The following APP variants were observed in gnomAD, a reference collection of about 807,000 sequenced individuals.
APP encodes amyloid beta precursor protein.
A neutral mutation model predicts 101.4 loss-of-function variants in APP; 31 were observed. The ratio of observed to expected loss-of-function variants is 0.31; its 90% CI spans 0.23 to 0.41. The LOEUF is 0.41. APP is among the 10% of genes least tolerant of loss of function. The probability of loss-of-function intolerance (pLI) is 1.00; values close to 1 mark genes in which losing one functional copy is unlikely to be tolerated. For missense variants in APP, 839 were observed against 1,003.7 expected (o/e 0.84, Z 2.22); for synonymous variants, 366 against 364.4 (o/e 1.00, Z -0.05).
At chr21:26,055,332 A>G (rs895984005) in intron 3 of APP, among the ~76,000 whole-genome samples, 2 of 152,220 alleles carry the variant, frequency 1.3e-5, no homozygotes, top group African/African-American at 4.8e-5. Context: ...CCCAGAGATA[A>G]GCATTAAGAT....
At chr21:26,159,442 C>T (rs964834152) in intron 1 of APP, among the ~76,000 whole-genome samples, 2 of 152,172 alleles carry the variant, frequency 1.3e-5, no homozygotes, top group African/African-American at 2.4e-5. Context: ...AAGTCAATCA[C>T]AAATGCCCTG....
chr21:25,941,962 C>G (rs764397975), intron 13 of APP: 6 of 152,192 alleles, frequency 3.9e-5, no homozygotes, highest in Non-Finnish European at 8.8e-5. Context: ...ACTGAAAAAT[C>G]TGGCTGCAAT....
intron 13 of APP, among the ~76,000 whole-genome samples, chr21:25,948,329 A>G (rs991600029): frequency 3.9e-5 from 6 of 152,204 alleles, no homozygotes; most frequent in Admixed American, 6.5e-5. Flanking sequence ...CAGGCTTATT[A>G]GAAACAGAAT....
intron 2 of APP, among the ~76,000 whole-genome samples, chr21:26,098,005 G>A (rs902726851): frequency 2.0e-5 from 3 of 149,910 alleles, no homozygotes; most frequent in African/African-American, 7.4e-5. Flanking sequence ...GCGTGAACCT[G>A]GGAGGCGGAG....
intron 5 of APP, among the ~76,000 whole-genome samples, chr21:26,038,712 C>T (rs370528080): frequency 4.6e-5 from 7 of 152,006 alleles, no homozygotes; most frequent in Non-Finnish European, 8.8e-5. Context: ...TGCAGTGAGC[C>T]GAGATTGTGC....
At position 25,999,989 on chromosome 21, in the gene APP, C is replaced by T. The variant is rs373284786; in HGVS notation, c.1033+26G>A. Reference sequence around the variant, plus strand: ...CAGTGGCGAGAGAGACGAAAGGTGGCCAGGCTCGAAGAAGGGTCCACTTAC... The same window carrying T: ...CAGTGGCGAGAGAGACGAAAGGTGGTCAGGCTCGAAGAAGGGTCCACTTAC... On this transcript the variant is annotated intron_variant, in intron 7 of 17. Transcript: ENST00000346798. 12 of 1,612,560 alleles carry T rather than the reference C, an allele frequency of 7.4e-6. No individual in the cohort carries two copies. The African/African-American group carries it at 1.2e-4, about 16-fold the overall frequency.
intron 5 of APP, among the ~76,000 whole-genome samples, chr21:26,029,346 G>A (rs3787640): frequency 0.1 from 15,685 of 152,124 alleles, 1,264 homozygotes; most frequent in East Asian, 0.29. Context: ...AAGCAAAGGT[G>A]GCTCACAAGG....
At chr21:25,997,201 C>T in intron 8 of APP, 159 bp downstream of exon 8, 2 of 705,256 alleles carry the variant, frequency 2.8e-6, no homozygotes, top group Non-Finnish European at 5.0e-6. Context: ...CTGGCAAAAT[C>T]AGATGTAATT....
chr21:26,079,174 G>A (rs374956243), intron 3 of APP, among the ~76,000 whole-genome samples: 7 of 152,184 alleles, frequency 4.6e-5, no homozygotes, highest in Middle Eastern at 3.4e-3. Context: ...CTTGGGGTAG[G>A]GACTGATGGA....
intron 2 of APP, among the ~76,000 whole-genome samples, chr21:26,108,417 T>C (rs1270539650): frequency 6.6e-6 from 1 of 152,222 alleles, no homozygotes; most frequent in Non-Finnish European, 1.5e-5. Context: ...ACTAGCCACA[T>C]TTCAAGTGCC....
At chr21:25,936,788 C>G (rs1353230416) in intron 13 of APP, among the ~76,000 whole-genome samples, 1 of 152,176 alleles carries the variant, frequency 6.6e-6, no homozygotes, top group African/African-American at 2.4e-5. Flanking sequence ...CAGACTAATG[C>G]ATTTATCTAG....
chr21:25,946,062 C>T lies in APP; in HGVS notation c.1687+8528G>A, dbSNP rs190274304. 2.1e-4 allele frequency: 66 copies of T among 318,958 alleles called. 1 individual carries two copies. The highest frequency in any genetic ancestry group is 9.4e-4 in the Admixed American group (21 of 22,284). 19.8% of individuals were successfully genotyped at this position (318,958 alleles called of 1,614,324 possible). On this transcript the variant is annotated intron_variant, in intron 13 of 17. Coordinates refer to ENST00000346798, the MANE Select transcript of APP (RefSeq NM_000484.4). ...AATAAAGTCAAACCTCTACCTCACA[C>T]CATATATGAAAATTAAAATGAATCA...
At chr21:26,103,437 C>A (rs1020075660) in intron 2 of APP, among the ~76,000 whole-genome samples, 1 of 146,240 alleles carries the variant, frequency 6.8e-6, no homozygotes, top group Non-Finnish European at 1.5e-5. Flanking sequence ...CCCATCTCTA[C>A]CAAAATACAA....
chr21:26,014,604 G>C (rs141302275), intron 6 of APP, among the ~76,000 whole-genome samples: 1 of 152,160 alleles, frequency 6.6e-6, no homozygotes, highest in South Asian at 2.1e-4. Context: ...TCCCTCTCAA[G>C]GACAATGCAG....
At chr21:25,928,126 C>A (rs1461383887) in intron 13 of APP, among the ~76,000 whole-genome samples, 1 of 152,018 alleles carries the variant, frequency 6.6e-6, no homozygotes, top group East Asian at 1.9e-4. Context: ...GGGCGGTTCA[C>A]GAGGTCAGGA....
intron 2 of APP, among the ~76,000 whole-genome samples, chr21:26,106,469 C>G (rs1368773453): frequency 2.6e-5 from 4 of 152,118 alleles, no homozygotes; most frequent in African/African-American, 9.7e-5. Flanking sequence ...AGGAGATGTT[C>G]CCTCCCCTTT....
chr21:26,112,951 T>C (rs73896824), intron 1 of APP, among the ~76,000 whole-genome samples: 3,694 of 152,282 alleles, frequency 0.024, 156 homozygotes, highest in African/African-American at 0.084. Context: ...TTCTGTATTT[T>C]CAAACTCTTC....
At chr21:26,154,169 A>C (rs1671386133) in intron 1 of APP, among the ~76,000 whole-genome samples, 2 of 152,226 alleles carry the variant, frequency 1.3e-5, no homozygotes, top group Non-Finnish European at 2.9e-5. Flanking sequence ...GGGCACACAC[A>C]CAATAAGCCT....
intron 5 of APP, among the ~76,000 whole-genome samples, chr21:26,035,673 C>T (rs2045073090): frequency 6.6e-6 from 1 of 152,144 alleles, no homozygotes; most frequent in Admixed American, 6.5e-5. Flanking sequence ...CCAGGATCTG[C>T]TTTATGTAAA....
Sources: allele counts gnomAD v4.1 joint callset (sites outside exome capture counted in the v4.1 genomes callset), GRCh38; gene constraint gnomAD v4.1.1; transcripts MANE v1.5; gene names NCBI Gene and HGNC (gene_info 2026-07-23, HGNC 2026-07-21).